The following DMBT1 variants were observed in gnomAD, a reference collection of about 807,000 sequenced individuals.
DMBT1 encodes the protein scavenger receptor cysteine-rich domain-containing protein DMBT1.
A neutral mutation model predicts 252.9 loss-of-function variants in DMBT1; 198 were observed. That is an observed-to-expected ratio of 0.78 (90% CI 0.70 to 0.88). The LOEUF (loss-of-function observed/expected upper bound fraction) is 0.88, where lower values mean the gene tolerates loss of function less well. DMBT1 is among the 40% of genes least tolerant of loss of function. DMBT1 has a pLI of 0.00. For missense variants in DMBT1, 2,432 were observed against 2,404.7 expected, an observed-to-expected ratio of 1.01 and a Z score of -0.24; for synonymous variants, 990 against 942.7, an observed-to-expected ratio of 1.05 and a Z score of -0.92.
chr10:122,585,239 A>C lies in DMBT1; in HGVS notation c.1421-32A>C, dbSNP rs554991047. The C allele has an allele frequency of 3.2e-6, 5 of 1,582,950 alleles. No homozygotes were observed. The South Asian group carries it at 5.8e-5, about 18-fold the overall frequency. On this transcript the variant is annotated intron_variant, in intron 14 of 55. Coordinates refer to ENST00000338354, the MANE Select transcript of DMBT1 (RefSeq NM_001377530.1). The stretch of plus-strand genomic sequence containing the variant: ...TTTGGAGATTTTCACCATCAACTTT[A>C]ATTCTAGCCTTTGTCTCTGTTGCAA...
intron 49 of DMBT1, 81 bp from the exon 50 acceptor site, chr10:122,631,774 T>G (rs2098167147): frequency 1.3e-6 from 2 of 1,513,746 alleles, no homozygotes. Context: ...ATGGGCCATG[T>G]AAGTGTATCT....
Position 122,629,827 on chromosome 10 carries a change from C to T in DMBT1, c.5669-13C>T, listed in dbSNP as rs757002800. On this transcript the variant is annotated splice_polypyrimidine_tract_variant and intron_variant, in intron 46 of 55. Transcript: ENST00000338354. ...ACCTGGTACAATGGAGATGTCCCCTCTCTCCTCTCTAGGACCCTCTTCAAA... is the reference window on the plus strand; with the variant it reads ...ACCTGGTACAATGGAGATGTCCCCTTTCTCCTCTCTAGGACCCTCTTCAAA... 1.2e-6 allele frequency: 2 copies of T among 1,612,800 alleles called. No individual in the cohort carries two copies. Among genetic ancestry groups the T allele is most frequent in the East Asian group, 2.2e-5 (1 of 44,880 alleles).
Position 122,643,471 on chromosome 10 carries a change from G to T in DMBT1, c.*73G>T. ...TCGGGGACTTGGGATGTTCCTCTTG[G>T]TGTCATATTCCAACTCAGATTGAGC... On this transcript the variant is annotated 3_prime_UTR_variant, in exon 56 of 56. Transcript: ENST00000338354. The T allele has an allele frequency of 6.6e-7, 1 of 1,518,058 alleles. No homozygotes were observed. Among genetic ancestry groups the T allele is most frequent in the South Asian group, 1.3e-5 (1 of 79,844 alleles). 94.0% of individuals were successfully genotyped at this position (1,518,058 alleles called of 1,614,324 possible). A position where few individuals can be genotyped will look rare whatever the true frequency, so the allele number is the denominator to read the frequency against.
chr10:122,628,462 C>T (rs902935169), intron 46 of DMBT1, among the ~76,000 whole-genome samples: 2 of 152,002 alleles, frequency 1.3e-5, no homozygotes, highest in African/African-American at 4.8e-5. Context: ...GTGGTGAAAC[C>T]CTGTCTCTAC....
chr10:122,632,296 T>A (rs574639112), intron 50 of DMBT1, among the ~76,000 whole-genome samples: 1 of 151,758 alleles, frequency 6.6e-6, no homozygotes, highest in Admixed American at 6.6e-5. Flanking sequence ...CATCCCCTCC[T>A]GGCCTCCCAT....
intron 27 of DMBT1, 49 bp downstream of exon 27, chr10:122,600,142 A>C: frequency 6.3e-7 from 1 of 1,590,490 alleles, no homozygotes; most frequent in Non-Finnish European, 8.6e-7. Flanking sequence ...TTTCTGCCCA[A>C]TCACCCCTTC....
chr10:122,622,995 A>G (rs1373169337), intron 44 of DMBT1, among the ~76,000 whole-genome samples: 1 of 151,952 alleles, frequency 6.6e-6, no homozygotes, highest in South Asian at 2.1e-4. Context: ...CATCATCTCT[A>G]TCTAGTTCCA....
At chr10:122,631,712 C>T in intron 49 of DMBT1, 143 bp from the exon 50 acceptor site, 1 of 796,368 alleles carries the variant, frequency 1.3e-6, no homozygotes, top group Admixed American at 2.1e-5. Context: ...GAAGGCTTCT[C>T]AATAGCAATT....
chr10:122,581,427 TC>T (rs2097767728), intron 11 of DMBT1, among the ~76,000 whole-genome samples: 1 of 148,874 alleles, frequency 6.7e-6, no homozygotes, highest in African/African-American at 2.5e-5. Context: ...TTCCTGATTG[TC>T]CCCTGGGCAG....
chr10:122,593,597 A>T lies in DMBT1; in HGVS notation c.2529A>T (p.Pro843=), dbSNP rs180674265. Reference sequence around the variant, plus strand: ...CCCAGTCCCGGCCGACACCCAGTCCAGGTAGGTCCCCAGTGTCCTTCCTCA... The same window carrying T: ...CCCAGTCCCGGCCGACACCCAGTCCTGGTAGGTCCCCAGTGTCCTTCCTCA... The part of the protein sequence containing the change: ...SVSQSRPTPS[P]DTWPTSHAST... The change falls in exon 21 of 56, where the codon CCA becomes CCT. Residue 843 remains proline, a splice_region_variant and synonymous_variant. Coordinates refer to ENST00000338354, the MANE Select transcript of DMBT1 (RefSeq NM_001377530.1). The T allele has an allele frequency of 6.3e-6, 10 of 1,587,464 alleles. No homozygotes were observed. In the African/African-American group the frequency reaches 1.1e-4, roughly 17 times the overall value.
At chr10:122,625,223 C>A in intron 44 of DMBT1, 54 bp from the exon 45 acceptor site, 1 of 1,572,820 alleles carries the variant, frequency 6.4e-7, no homozygotes, top group Non-Finnish European at 8.7e-7. Flanking sequence ...GCATTTCTCT[C>A]GCTCATCATC....
intron 44 of DMBT1, among the ~76,000 whole-genome samples, chr10:122,623,747 G>A (rs1449127076): frequency 6.6e-6 from 1 of 152,224 alleles, no homozygotes; most frequent in East Asian, 1.9e-4. Context: ...CTGAAGGCCA[G>A]AGGAACTAGA....
chr10:122,597,917 T>C, intron 24 of DMBT1, 57 bp from the exon 25 acceptor site: 1 of 1,613,090 alleles, frequency 6.2e-7, no homozygotes, highest in Non-Finnish European at 8.5e-7. Context: ...GACCTTTCCT[T>C]TTGGAGATTT....
At chr10:122,585,949 C>G in intron 15 of DMBT1, 111 bp from the exon 16 acceptor site, 1 of 1,538,976 alleles carries the variant, frequency 6.5e-7, no homozygotes, top group Non-Finnish European at 8.8e-7. Flanking sequence ...TCAAAGGTGA[C>G]TGCCTGCCCA....
intron 49 of DMBT1, 60 bp downstream of exon 49, chr10:122,631,341 TA>T: frequency 3.8e-6 from 6 of 1,577,868 alleles, no homozygotes; most frequent in Non-Finnish European, 5.2e-6. Flanking sequence ...AGCAAGAGCT[TA>T]AGGCCAGTGG....
chr10:122,625,021 G>A (rs2098106987), intron 44 of DMBT1, among the ~76,000 whole-genome samples: 2 of 152,216 alleles, frequency 1.3e-5, no homozygotes, highest in South Asian at 2.1e-4. Context: ...TGAATTTTAT[G>A]GGTAGGCACT....
Position 122,631,882 on chromosome 10 carries a change from C to G in DMBT1, c.6367+7C>G. 1 of 1,613,754 alleles carries G rather than the reference C, an allele frequency of 6.2e-7. No individual in the cohort carries two copies. The highest frequency in any genetic ancestry group is 8.5e-7 in the Non-Finnish European group (1 of 1,179,716). ...AACCATCTATCGACACCTGGTAAGT[C>G]CCTCCGATTTCCATTCCACTTCCCT... On this transcript the variant is annotated splice_region_variant and intron_variant, in intron 50 of 55. Coordinates refer to ENST00000338354, the MANE Select transcript of DMBT1 (RefSeq NM_001377530.1).
rs1566007807 is a variant in DMBT1 at position 122,634,441 on chromosome 10, TCTCTCTCTCTCTC to T, written c.6548+1101_6548+1113del. Among the ~76,000 whole-genome samples, 245 of 63,712 alleles carry T rather than the reference TCTCTCTCTCTCTC, an allele frequency of 3.8e-3. 5 individuals are homozygous for T. Among genetic ancestry groups the T allele is most frequent in the African/African-American group, 0.016 (240 of 14,754 alleles). The allele number at this position is 63,712 out of a possible 152,430, so 41.8% of individuals were successfully genotyped here. ...TCTCTCTCTCTCTCTTCTCTCTCTC[TCTCTCTCTCTCTC>T]TCTCTCTCTCTCTCTCTCTCTCTCT... On this transcript the variant is annotated intron_variant, in intron 52 of 55. Coordinates refer to ENST00000338354, the MANE Select transcript of DMBT1 (RefSeq NM_001377530.1).
At chr10:122,630,234 A>C (rs2098150771) in intron 47 of DMBT1, 54 bp from the exon 48 acceptor site, 1 of 1,558,170 alleles carries the variant, frequency 6.4e-7, no homozygotes, top group Admixed American at 1.7e-5. Flanking sequence ...TATTTATAAA[A>C]TGGAGGGGCA....
Sources: allele counts gnomAD v4.1 joint callset (sites outside exome capture counted in the v4.1 genomes callset), GRCh38; gene constraint gnomAD v4.1.1; transcripts MANE v1.5; gene names NCBI Gene and HGNC (gene_info 2026-07-23, HGNC 2026-07-21).